The following NPAS3 variants were observed in gnomAD, a reference collection of about 807,000 sequenced individuals.
NPAS3 encodes the protein neuronal PAS domain-containing protein 3.
Under a neutral mutation model 73.1 loss-of-function variants are expected in NPAS3, and 14 were observed. That is an observed-to-expected ratio of 0.19 (90% CI 0.13 to 0.30). The LOEUF (loss-of-function observed/expected upper bound fraction) is 0.30. NPAS3 is among the 10% of genes least tolerant of loss of function. The pLI is 1.00. For missense variants in NPAS3, 1,096 were observed against 1,250.0 expected, an observed-to-expected ratio of 0.88 and a Z score of 1.86; for synonymous variants, 620 against 541.5, an observed-to-expected ratio of 1.14 and a Z score of -2.01.
intron 1 of NPAS3, among the ~76,000 whole-genome samples, chr14:33,030,282 G>A (rs2039944564): frequency 6.6e-6 from 1 of 152,136 alleles, no homozygotes; most frequent in Non-Finnish European, 1.5e-5. Context: ...CTCAGTGATT[G>A]CCGAAATGGT....
chr14:33,052,328 A>G (rs959165224), intron 1 of NPAS3, among the ~76,000 whole-genome samples: 7 of 152,154 alleles, frequency 4.6e-5, no homozygotes, highest in African/African-American at 1.4e-4. Flanking sequence ...TCCCTGATAC[A>G]TATTAAATAA....
At chr14:33,022,886 C>T (rs541805342) in intron 1 of NPAS3, among the ~76,000 whole-genome samples, 2 of 152,060 alleles carry the variant, frequency 1.3e-5, no homozygotes, top group Admixed American at 6.5e-5. Flanking sequence ...TCTGTGGTTG[C>T]TTTACAGTGA....
intron 2 of NPAS3, among the ~76,000 whole-genome samples, chr14:33,137,658 A>G (rs537245136): frequency 3.9e-5 from 6 of 152,346 alleles, no homozygotes; most frequent in East Asian, 1.9e-4. Context: ...TATACGTTAC[A>G]TAAGAATTAA....
intron 5 of NPAS3, among the ~76,000 whole-genome samples, chr14:33,660,941 TC>T (rs1358072786): frequency 6.6e-6 from 1 of 152,164 alleles, no homozygotes; most frequent in African/African-American, 2.4e-5. Context: ...CTTCAGTGTT[TC>T]CCCCACCTTT....
At chr14:33,632,590 CAG>C (rs2058410603) in intron 5 of NPAS3, among the ~76,000 whole-genome samples, 1 of 152,180 alleles carries the variant, frequency 6.6e-6, no homozygotes, top group African/African-American at 2.4e-5. Context: ...ATCCTTGCCA[CAG>C]AGTCTATGGT....
At chr14:33,302,181 G>T (rs1485323135) in intron 3 of NPAS3, among the ~76,000 whole-genome samples, 1 of 152,138 alleles carries the variant, frequency 6.6e-6, no homozygotes, top group African/African-American at 2.4e-5. Flanking sequence ...GGGAGGATTT[G>T]CATACAACAA....
chr14:33,474,922 G>A (rs1215997518), intron 4 of NPAS3, among the ~76,000 whole-genome samples: 2 of 152,158 alleles, frequency 1.3e-5, no homozygotes, highest in Non-Finnish European at 2.9e-5. Flanking sequence ...AAGTGAAGGA[G>A]GAAGTTTTAT....
At chr14:33,146,792 A>G (rs754324727) in intron 2 of NPAS3, among the ~76,000 whole-genome samples, 5 of 152,178 alleles carry the variant, frequency 3.3e-5, no homozygotes, top group Non-Finnish European at 5.9e-5. Flanking sequence ...TCTAAGATAG[A>G]GGTTTACCGA....
chr14:33,081,370 CT>C (rs372583308), intron 2 of NPAS3, among the ~76,000 whole-genome samples: 2,477 of 147,184 alleles, frequency 0.017, 53 homozygotes, highest in African/African-American at 0.055. Flanking sequence ...AAGAGACCAA[CT>C]TTTTTTTTTT....
chr14:33,530,783 G>T (rs1182564062), intron 4 of NPAS3, among the ~76,000 whole-genome samples: 1 of 151,942 alleles, frequency 6.6e-6, no homozygotes, highest in South Asian at 2.1e-4. Context: ...GGGATGGGAG[G>T]GTGGGAAAAG....
intron 3 of NPAS3, among the ~76,000 whole-genome samples, chr14:33,350,385 A>G (rs139306163): frequency 6.6e-6 from 1 of 152,234 alleles, no homozygotes; most frequent in Non-Finnish European, 1.5e-5. Flanking sequence ...CACATTTGCT[A>G]AATTTCAGCT....
chr14:33,176,031 A>G (rs1255851732), intron 2 of NPAS3, among the ~76,000 whole-genome samples: 1 of 152,156 alleles, frequency 6.6e-6, no homozygotes, highest in Non-Finnish European at 1.5e-5. Context: ...ATTCAATTTT[A>G]TTACATACCT....
At chr14:33,539,329 G>A (rs1335349152) in intron 4 of NPAS3, among the ~76,000 whole-genome samples, 1 of 152,038 alleles carries the variant, frequency 6.6e-6, no homozygotes, top group Non-Finnish European at 1.5e-5. Context: ...ATATGAACAT[G>A]AACTCTTAAG....
intron 3 of NPAS3, among the ~76,000 whole-genome samples, chr14:33,351,278 C>A (rs899072829): frequency 6.6e-6 from 1 of 152,162 alleles, no homozygotes; most frequent in Admixed American, 6.5e-5. Flanking sequence ...CAGCACCACA[C>A]CTGCTGCCCA....
At chr14:33,147,181 C>T (rs1434153189) in intron 2 of NPAS3, among the ~76,000 whole-genome samples, 1 of 151,974 alleles carries the variant, frequency 6.6e-6, no homozygotes, top group Non-Finnish European at 1.5e-5. Flanking sequence ...CTTCCACATC[C>T]TATAAAGAAT....
intron 5 of NPAS3, among the ~76,000 whole-genome samples, chr14:33,598,724 T>A (rs1271425504): frequency 6.6e-6 from 1 of 152,204 alleles, no homozygotes; most frequent in African/African-American, 2.4e-5. Flanking sequence ...TTATCTTAAA[T>A]GGGTGATGAC....
At position 32,942,744 on chromosome 14, in the gene NPAS3, G is replaced by A. The variant is rs148954627; in HGVS notation, c.50+3378G>A. Among the ~76,000 whole-genome samples the A allele has an allele frequency of 1.6e-4, 25 of 152,278 alleles. 1 individual carries two copies. In the East Asian group the frequency reaches 4.4e-3, roughly 27 times the overall value. ...TCTATCTACAGTATAAGCTTAAATA[G>A]GGGTGATAAATGATTATATGCATTG... On this transcript the variant is annotated intron_variant, in intron 1 of 11. Coordinates refer to ENST00000356141, the Ensembl canonical transcript of NPAS3.
chr14:33,217,806 G>A (rs907988473), intron 3 of NPAS3, among the ~76,000 whole-genome samples: 4 of 152,148 alleles, frequency 2.6e-5, no homozygotes, highest in Non-Finnish European at 4.4e-5. Context: ...GTTAGATGAG[G>A]CAAGTGTTAA....
At position 33,417,189 on chromosome 14, in the gene NPAS3, C is replaced by T. The variant is rs914859374; in HGVS notation, c.468+49921C>T. 2.6e-5 allele frequency among the ~76,000 whole-genome samples: 4 copies of T among 151,928 alleles called. No homozygotes were observed. The South Asian group carries it at 8.3e-4, about 32-fold the overall frequency. On this transcript the variant is annotated intron_variant, in intron 4 of 11. Transcript: ENST00000356141. Reference sequence around the variant, plus strand: ...CATCTGCAACTATGGAACATTGCCTCTGATAGCTAGAAATATTAAATGCAA... The same window carrying T: ...CATCTGCAACTATGGAACATTGCCTTTGATAGCTAGAAATATTAAATGCAA...
Sources: allele counts gnomAD v4.1 joint callset (sites outside exome capture counted in the v4.1 genomes callset), GRCh38; gene constraint gnomAD v4.1.1; transcripts MANE v1.5; gene names NCBI Gene and HGNC (gene_info 2026-07-23, HGNC 2026-07-21).